CDH2: variants seen among roughly 807,000 people sequenced by gnomAD.
CDH2 encodes cadherin-2.
A neutral mutation model predicts 92.0 loss-of-function variants in CDH2; 17 were observed. The observed-to-expected ratio is 0.18, with a 90% CI of 0.13 to 0.28. CDH2 has a LOEUF of 0.28. Ranked by LOEUF, CDH2 falls within the 10% of genes least tolerant of loss-of-function variation. The probability of loss-of-function intolerance (pLI) is 1.00; values close to 1 mark genes in which losing one functional copy is unlikely to be tolerated. For synonymous variants in CDH2, 419 were observed against 415.9 expected (o/e 1.01, Z -0.09); for missense variants, 862 against 1,133.1 (o/e 0.76, Z 3.44).
intron 2 of CDH2, among the ~76,000 whole-genome samples, chr18:28,071,851 G>C (rs936414555): frequency 5.9e-5 from 9 of 151,990 alleles, no homozygotes; most frequent in Non-Finnish European, 1.5e-5. Context: ...AACCCTAAAG[G>C]TAGCAATAAT....
intron 2 of CDH2, among the ~76,000 whole-genome samples, chr18:28,038,705 CA>C (rs1168192186): frequency 1.3e-5 from 2 of 151,880 alleles, no homozygotes; most frequent in Non-Finnish European, 2.9e-5. Context: ...GACATCTCTT[CA>C]AAAAGGTATT....
chr18:28,040,075 G>A (rs1192438017), intron 2 of CDH2, among the ~76,000 whole-genome samples: 4 of 152,102 alleles, frequency 2.6e-5, no homozygotes, highest in African/African-American at 4.8e-5. Context: ...TGCTACTGAC[G>A]AATGAATAAC....
At chr18:28,037,914 A>G (rs2013868350) in intron 2 of CDH2, among the ~76,000 whole-genome samples, 1 of 152,256 alleles carries the variant, frequency 6.6e-6, no homozygotes, top group South Asian at 2.1e-4. Flanking sequence ...GAAACATATA[A>G]AAAAAGATGA....
intron 2 of CDH2, among the ~76,000 whole-genome samples, chr18:28,119,051 G>A (rs1392543247): frequency 6.6e-6 from 1 of 151,992 alleles, no homozygotes; most frequent in East Asian, 1.9e-4. Context: ...GAACAATCCA[G>A]GGAACATAAA....
intron 2 of CDH2, among the ~76,000 whole-genome samples, chr18:28,044,764 C>A (rs1031437842): frequency 7.8e-6 from 1 of 128,666 alleles, no homozygotes; most frequent in Non-Finnish European, 1.6e-5. Flanking sequence ...CTTCTCTAAG[C>A]CTTAGTTACT....
chr18:28,009,970 A>T, intron 4 of CDH2, 98 bp from the exon 5 acceptor site: 3 of 865,098 alleles, frequency 3.5e-6, no homozygotes, highest in South Asian at 5.3e-5. Context: ...TCAGCTACAA[A>T]CTTATACCAT....
At chr18:28,111,596 C>T (rs17536256) in intron 2 of CDH2, among the ~76,000 whole-genome samples, 2 of 152,110 alleles carry the variant, frequency 1.3e-5, no homozygotes, top group African/African-American at 4.8e-5. Flanking sequence ...ACACTGAGTT[C>T]CCAGATGTCT....
At chr18:27,989,115 A>G (rs187275174) in intron 10 of CDH2, among the ~76,000 whole-genome samples, 3 of 152,348 alleles carry the variant, frequency 2.0e-5, no homozygotes, top group Admixed American at 6.5e-5. Flanking sequence ...ACACTTTATC[A>G]TGGCCAACAT....
chr18:28,002,625 A>T (rs988864963), intron 7 of CDH2, among the ~76,000 whole-genome samples: 1 of 152,224 alleles, frequency 6.6e-6, no homozygotes, highest in Non-Finnish European at 1.5e-5. Context: ...TTAATAACAC[A>T]AGCATTAACA....
At chr18:28,123,487 T>C (rs1327183032) in intron 2 of CDH2, among the ~76,000 whole-genome samples, 1 of 152,216 alleles carries the variant, frequency 6.6e-6, no homozygotes, top group Non-Finnish European at 1.5e-5. Flanking sequence ...AATCAAATGA[T>C]TTCTGTTCAC....
chr18:27,933,109 C>G (rs1899646), exon 7 of CDH2, among the ~76,000 whole-genome samples: 135,848 of 152,008 alleles, frequency 0.89, 61,761 homozygotes, highest in Non-Finnish European at 0.98. Context: ...TGTAAGCTCT[C>G]TATGGGCCAG....
intron 9 of CDH2, 132 bp from the exon 10 acceptor site, chr18:27,990,482 T>C: frequency 1.2e-6 from 1 of 801,536 alleles, no homozygotes; most frequent in Non-Finnish European, 1.9e-6. Context: ...TCCTCTCAAG[T>C]TTCTGGAAAA....
chr18:28,045,420 T>A, intron 2 of CDH2: 1 of 468,850 alleles, frequency 2.1e-6, no homozygotes, highest in Non-Finnish European at 4.4e-6. Context: ...CTCCTTTGAG[T>A]GTTACACATG....
intron 15 of CDH2, among the ~76,000 whole-genome samples, chr18:27,958,159 A>G (rs1378158217): frequency 3.3e-5 from 5 of 152,214 alleles, no homozygotes; most frequent in African/African-American, 1.2e-4. Context: ...TTGACCTTGT[A>G]ACAAGGTAAC....
At chr18:28,155,268 T>A (rs2016189988) in intron 1 of CDH2, among the ~76,000 whole-genome samples, 1 of 151,898 alleles carries the variant, frequency 6.6e-6, no homozygotes, top group Admixed American at 6.6e-5. Context: ...AGCTTCCTCC[T>A]CTGTAATAAT....
At chr18:28,143,347 G>A (rs996153554) in intron 2 of CDH2, among the ~76,000 whole-genome samples, 1 of 151,930 alleles carries the variant, frequency 6.6e-6, no homozygotes, top group African/African-American at 2.4e-5. Context: ...AAATGAAAAT[G>A]TATGATTGCA....
intron 2 of CDH2, among the ~76,000 whole-genome samples, chr18:28,048,939 G>A (rs574081950): frequency 3.3e-5 from 5 of 152,212 alleles, no homozygotes; most frequent in African/African-American, 1.2e-4. Flanking sequence ...CTGCATGCAA[G>A]CAGGAGGACA....
Position 27,980,003 on chromosome 18 carries a change from A to G in CDH2, c.2349+2941T>C, listed in dbSNP as rs546988256. On this transcript the variant is annotated intron_variant, in intron 14 of 15. Coordinates refer to ENST00000269141, the MANE Select transcript of CDH2 (RefSeq NM_001792.5). ...TTCCCAATCAAAGCTTTTTGAAACC[A>G]TAAGATAGCAGAGAACAAAATAAAG... Among the ~76,000 whole-genome samples, 4 of 152,362 alleles carry G rather than the reference A, an allele frequency of 2.6e-5. No homozygotes were observed. The South Asian group carries it at 6.2e-4, about 24-fold the overall frequency.
At chr18:28,164,382 C>A (rs1449794992) in intron 1 of CDH2, among the ~76,000 whole-genome samples, 1 of 152,066 alleles carries the variant, frequency 6.6e-6, no homozygotes, top group Non-Finnish European at 1.5e-5. Flanking sequence ...CTTTGAACCA[C>A]GTGTGGTACA....
Sources: allele counts gnomAD v4.1 joint callset (sites outside exome capture counted in the v4.1 genomes callset), GRCh38; gene constraint gnomAD v4.1.1; transcripts MANE v1.5; gene names NCBI Gene and HGNC (gene_info 2026-07-23, HGNC 2026-07-21).